Variants in SHISA6 observed in about 807,000 individuals in gnomAD.
SHISA6 encodes the protein protein shisa-6.
A neutral mutation model predicts 47.9 loss-of-function variants in SHISA6; 22 were observed. The ratio of observed to expected loss-of-function variants is 0.46; its 90% CI spans 0.33 to 0.66. The LOEUF is 0.66. SHISA6 is among the 30% of genes least tolerant of loss of function. SHISA6 has a pLI of 0.02. For missense variants in SHISA6, 680 were observed against 764.6 expected (o/e 0.89, Z 1.30); for synonymous variants, 388 against 337.8 (o/e 1.15, Z -1.63).
chr17:11,242,428 T>G (rs902969352), intron 1 of SHISA6, among the ~76,000 whole-genome samples: 3 of 152,070 alleles, frequency 2.0e-5, no homozygotes, highest in Non-Finnish European at 4.4e-5. Flanking sequence ...GTTTTTTGAG[T>G]CAAATCAGAG....
chr17:11,487,940 C>T (rs992566764), intron 3 of SHISA6, among the ~76,000 whole-genome samples: 4 of 152,172 alleles, frequency 2.6e-5, no homozygotes, highest in Non-Finnish European at 5.9e-5. Flanking sequence ...CCCAAGTTGC[C>T]TTGAAAGGCA....
Position 11,241,935 on chromosome 17 carries a change from G to C in SHISA6, c.513G>C (p.Lys171Asn). Residue 171 changes from lysine (K) to asparagine (N), a missense_variant, in exon 1 of 6, where the codon AAG becomes AAC. Physicochemically the swap from Lys to Asn is moderately conservative, Grantham distance 94. Around this residue, in one of 2 missense-constraint regions of SHISA6, gnomAD observed 559 missense variants for 674.1 expected, o/e 0.83. Coordinates refer to ENST00000441885, the MANE Select transcript of SHISA6 (RefSeq NM_207386.4). The surrounding 1 kb of genome is among the most constrained non-coding windows in gnomAD (Gnocchi z 5.5). ...PGPENKYDPE[K>N]DKTNFTVYIT... is the part of the protein sequence containing the mutation. The stretch of plus-strand genomic sequence containing the variant: ...CCGAGAACAAGTACGACCCGGAGAA[G>C]GACAAGACCAACTTCACCGTCTACA... The C allele has an allele frequency of 6.4e-7, 1 of 1,550,988 alleles. No homozygotes were observed. The highest frequency in any genetic ancestry group is 1.4e-5 in the African/African-American group (1 of 73,186).
chr17:11,500,311 G>C (rs1384170787), intron 3 of SHISA6, among the ~76,000 whole-genome samples: 6 of 152,158 alleles, frequency 3.9e-5, no homozygotes, highest in Admixed American at 3.9e-4. Flanking sequence ...AGAATGTTTA[G>C]AGATGGAAGC....
At chr17:11,531,777 C>T (rs1179373918) in intron 3 of SHISA6, among the ~76,000 whole-genome samples, 1 of 152,140 alleles carries the variant, frequency 6.6e-6, no homozygotes, top group Non-Finnish European at 1.5e-5. Context: ...TGCACAGAAT[C>T]GTGACTATAA....
chr17:11,550,446 C>G lies in SHISA6; in HGVS notation c.896-1450C>G, dbSNP rs529590873. On this transcript the variant is annotated intron_variant, in intron 3 of 5. Coordinates refer to ENST00000441885, the MANE Select transcript of SHISA6 (RefSeq NM_207386.4). ...GGAAATTTTGTCTGGTGGGAATTCA[C>G]AGGATTTGTCTTGGAAATTGAGAGT... Among the ~76,000 whole-genome samples, 18 of 152,196 alleles carry G rather than the reference C, an allele frequency of 1.2e-4. No homozygotes were observed. The East Asian group carries it at 3.5e-3, about 29-fold the overall frequency.
At chr17:11,300,402 G>T (rs536926223) in intron 2 of SHISA6, among the ~76,000 whole-genome samples, 1 of 152,306 alleles carries the variant, frequency 6.6e-6, no homozygotes, top group Non-Finnish European at 1.5e-5. Flanking sequence ...GCAACTGACT[G>T]CAGCCCTCTT....
intron 3 of SHISA6, among the ~76,000 whole-genome samples, chr17:11,464,939 T>TAAA (rs10706598): frequency 1.2e-3 from 170 of 145,228 alleles, no homozygotes; most frequent in Middle Eastern, 3.6e-3. Context: ...CAAAACTGAT[T>TAAA]AAAAAAAAAA....
At chr17:11,331,451 G>C (rs776120291) in intron 2 of SHISA6, among the ~76,000 whole-genome samples, 1 of 152,094 alleles carries the variant, frequency 6.6e-6, no homozygotes, top group African/African-American at 2.4e-5. Flanking sequence ...AAAATGCAAA[G>C]CCTGCTTTGT....
At chr17:11,536,573 A>T (rs1039067053) in intron 3 of SHISA6, among the ~76,000 whole-genome samples, 5 of 152,288 alleles carry the variant, frequency 3.3e-5, no homozygotes, top group Admixed American at 1.3e-4. Flanking sequence ...AGGTGAAAAG[A>T]ATCTGAAATT....
chr17:11,538,878 C>T (rs758147351), intron 3 of SHISA6, among the ~76,000 whole-genome samples: 9 of 152,082 alleles, frequency 5.9e-5, no homozygotes, highest in Non-Finnish European at 1.3e-4. Flanking sequence ...TGATCAGGCC[C>T]CAGACATGAG....
At chr17:11,557,241 C>T (rs952632050) in intron 5 of SHISA6, among the ~76,000 whole-genome samples, 23 of 152,176 alleles carry the variant, frequency 1.5e-4, no homozygotes, top group Middle Eastern at 3.2e-3. Context: ...TTATTCTAGC[C>T]GGAGGCTGGC....
intron 3 of SHISA6, among the ~76,000 whole-genome samples, chr17:11,411,288 T>C (rs1420959257): frequency 6.6e-6 from 1 of 151,388 alleles, no homozygotes; most frequent in East Asian, 2.0e-4. Flanking sequence ...CTATTCAGCC[T>C]CTCCCACTCT....
chr17:11,353,557 G>A (rs1262719776), intron 2 of SHISA6, among the ~76,000 whole-genome samples: 1 of 151,828 alleles, frequency 6.6e-6, no homozygotes, highest in Non-Finnish European at 1.5e-5. Flanking sequence ...CAACAGATAA[G>A]GCAAATGCTC....
At chr17:11,525,509 T>TGA (rs1158419361) in intron 3 of SHISA6, among the ~76,000 whole-genome samples, 2 of 151,626 alleles carry the variant, frequency 1.3e-5, no homozygotes, top group Non-Finnish European at 2.9e-5. Context: ...GGCACATGCC[T>TGA]GTAGTCCCAG....
intron 3 of SHISA6, among the ~76,000 whole-genome samples, chr17:11,392,917 T>C (rs1321095087): frequency 6.6e-6 from 1 of 152,186 alleles, no homozygotes; most frequent in Admixed American, 6.5e-5. Context: ...GCAGGTTCTT[T>C]GGCAGCATCA....
intron 3 of SHISA6, among the ~76,000 whole-genome samples, chr17:11,396,216 T>C (rs2142260111): frequency 6.6e-6 from 1 of 152,334 alleles, no homozygotes; most frequent in South Asian, 2.1e-4. Context: ...GACCTAATCT[T>C]GCAGTCTTGG....
rs1555527561 is a variant in SHISA6 at position 11,311,298 on chromosome 17, A to AAAAAC, written c.799+47774_799+47775insAACAA. Reference sequence around the variant, plus strand: ...CTTCGTCAAAAAAAAAAAAAAAAAAAAACCGACAAACAAAAAAAATCACCT... The same window carrying AAAAAC: ...CTTCGTCAAAAAAAAAAAAAAAAAAAAAAACAACCGACAAACAAAAAAAATCACCT... On this transcript the variant is annotated intron_variant, in intron 2 of 5. Transcript: ENST00000441885. Among the ~76,000 whole-genome samples, 41 of 133,194 alleles carry AAAAAC rather than the reference A, an allele frequency of 3.1e-4. 3 individuals carry two copies. Among genetic ancestry groups the AAAAAC allele is most frequent in the African/African-American group, 7.2e-4 (25 of 34,934 alleles). The allele number at this position is 133,194 out of a possible 152,430, so 87.4% of individuals were successfully genotyped here. A position where few individuals can be genotyped will look rare whatever the true frequency, so the allele number is the denominator to read the frequency against.
chr17:11,350,174 A>AT (rs1310542458), intron 2 of SHISA6, among the ~76,000 whole-genome samples: 1,475 of 100,398 alleles, frequency 0.015, 30 homozygotes, highest in African/African-American at 0.04. Flanking sequence ...TTATTTATTT[A>AT]TTTATTTATT....
intron 3 of SHISA6, among the ~76,000 whole-genome samples, chr17:11,523,436 C>T (rs140815876): frequency 3.3e-5 from 5 of 152,144 alleles, no homozygotes; most frequent in Non-Finnish European, 4.4e-5. Context: ...TCTCTGTGAG[C>T]CAGGGAGATA....
Sources: gnomAD v4.1 joint callset for allele counts (sites outside exome capture counted in the v4.1 genomes callset) on GRCh38, gnomAD v4.1.1 for gene constraint, gnomAD v4.1.1 regional missense constraint, Gnocchi (gnomAD v3.1) non-coding constraint, MANE v1.5 for transcripts, NCBI Gene and HGNC (gene_info 2026-07-23, HGNC 2026-07-21) for gene names.